Variants in VCAN observed in about 807,000 individuals in gnomAD.
The protein encoded by VCAN is versican, also known as versican core protein.
Under a neutral mutation model 245.5 loss-of-function variants are expected in VCAN, and 44 were observed. The ratio of observed to expected loss-of-function variants is 0.18; its 90% confidence interval spans 0.14 to 0.23. VCAN has a LOEUF of 0.23. Ranked by LOEUF, VCAN falls within the 10% of genes least tolerant of loss-of-function variation. VCAN has a pLI of 1.00. For synonymous variants in VCAN, 1,413 were observed against 1,437.0 expected (o/e 0.98, Z 0.38); for missense variants, 3,793 against 4,057.9 (o/e 0.93, Z 1.77).
rs761598424 is a variant in VCAN at position 83,521,305 on chromosome 5, C to G, written c.2999C>G (p.Pro1000Arg). Residue 1000 changes from proline to arginine, a missense_variant, in exon 7 of 15, where the codon CCC (proline) becomes CGC (arginine). Pro to Arg is a moderately radical substitution (Grantham distance 103). Coordinates refer to ENST00000265077, the MANE Select transcript of VCAN (RefSeq NM_004385.5). ...VPSEDEVLGE[P>R]SQDILVIDQT... ...TCAGAAGATGAAGTTCTAGGTGAAC[C>G]CTCTCAAGACATACTTGTCATTGAT... is the stretch of plus-strand genomic sequence containing the variant. The G allele has an allele frequency of 1.9e-6, 3 of 1,613,990 alleles. No homozygotes were observed. Among genetic ancestry groups the G allele is most frequent in the South Asian group, 1.1e-5 (1 of 91,080 alleles).
intron 2 of VCAN, among the ~76,000 whole-genome samples, chr5:83,487,618 C>T (rs1313240534): frequency 1.3e-5 from 2 of 152,176 alleles, no homozygotes; most frequent in East Asian, 3.8e-4. Context: ...AAAGATTTGA[C>T]CACACAGCTT....
intron 7 of VCAN, among the ~76,000 whole-genome samples, chr5:83,525,519 A>C (rs1324993221): frequency 6.6e-6 from 1 of 152,206 alleles, no homozygotes; most frequent in East Asian, 1.9e-4. Context: ...TAATTTAGAA[A>C]TGTATGGATA....
chr5:83,515,834 C>T (rs1265084396), intron 6 of VCAN, among the ~76,000 whole-genome samples: 1 of 152,134 alleles, frequency 6.6e-6, no homozygotes, highest in Non-Finnish European at 1.5e-5. Context: ...ATAATCTGAC[C>T]ACATGTGCCA....
Position 83,493,534 on chromosome 5 carries a change from T to C in VCAN, c.446-12T>C, listed in dbSNP as rs752958368. 2 of 1,612,950 alleles carry C rather than the reference T, an allele frequency of 1.2e-6. No homozygotes were observed. Among genetic ancestry groups the C allele is most frequent in the South Asian group, 1.1e-5 (1 of 91,028 alleles). On this transcript the variant is annotated splice_polypyrimidine_tract_variant and intron_variant, in intron 3 of 14. Coordinates refer to ENST00000265077, the MANE Select transcript of VCAN (RefSeq NM_004385.5). ...TGAACAGGCTGGCAATTGTTTGCTG[T>C]TGTTTTTGCAGGGGTTGTGTTTCAC...
At chr5:83,523,974 G>T (rs77275118) in intron 7 of VCAN, among the ~76,000 whole-genome samples, 1 of 152,132 alleles carries the variant, frequency 6.6e-6, no homozygotes, top group Non-Finnish European at 1.5e-5. Context: ...TTAAAAAAAT[G>T]CTTGAATGGA....
chr5:83,517,742 T>C (rs1745909742), intron 6 of VCAN, among the ~76,000 whole-genome samples: 1 of 152,158 alleles, frequency 6.6e-6, no homozygotes, highest in Non-Finnish European at 1.5e-5. Flanking sequence ...CAACTCTTTT[T>C]TGGTTAGTTT....
intron 1 of VCAN, among the ~76,000 whole-genome samples, chr5:83,472,387 A>G (rs1744226418): frequency 6.6e-6 from 1 of 151,908 alleles, no homozygotes; most frequent in Non-Finnish European, 1.5e-5. Context: ...TGGCACTTTG[A>G]TTTTTTTGTT....
At chr5:83,513,247 A>C (rs1344001441) in intron 6 of VCAN, among the ~76,000 whole-genome samples, 1 of 152,196 alleles carries the variant, frequency 6.6e-6, no homozygotes, top group Non-Finnish European at 1.5e-5. Context: ...ATCTCCCAGA[A>C]TTTTGGTGAC....
chr5:83,540,756 C>A lies in VCAN; in HGVS notation c.7753C>A (p.Pro2585Thr). 3 of 1,613,926 alleles carry A rather than the reference C, an allele frequency of 1.9e-6. No homozygotes were observed. Among genetic ancestry groups the A allele is most frequent in the Non-Finnish European group, 2.5e-6 (3 of 1,179,948 alleles). ...TATCATAGATATTGATCATACTAAACCTGTGTATGAAGACATTCTTGGAAT... is the reference window on the plus strand; with the variant it reads ...TATCATAGATATTGATCATACTAAAACTGTGTATGAAGACATTCTTGGAAT... The part of the protein sequence containing the change: ...NTIIDIDHTK[P>T]VYEDILGMQT... The change falls in exon 8 of 15, where the codon CCT becomes ACT. Residue 2585 changes from proline (P) to threonine (T), a missense_variant. Around this residue, in one of 5 missense-constraint regions of VCAN, gnomAD observed 3,182 missense variants for 3,250.3 expected, o/e 0.98. Transcript: ENST00000265077.
chr5:83,501,318 A>G (rs1472630043), intron 5 of VCAN, among the ~76,000 whole-genome samples: 1 of 152,158 alleles, frequency 6.6e-6, no homozygotes, highest in African/African-American at 2.4e-5. Context: ...GAAAAGTCCA[A>G]TTTGTCTATT....
intron 12 of VCAN, among the ~76,000 whole-genome samples, chr5:83,565,001 A>C (rs1748019795): frequency 6.6e-6 from 1 of 152,182 alleles, no homozygotes; most frequent in Non-Finnish European, 1.5e-5. Context: ...AAAATTATAG[A>C]TAATATATGG....
chr5:83,514,261 C>A (rs116274104), intron 6 of VCAN, among the ~76,000 whole-genome samples: 13,061 of 152,006 alleles, frequency 0.086, 740 homozygotes, highest in South Asian at 0.2. Flanking sequence ...AAGCATGTGG[C>A]TAGATTCTTA....
chr5:83,557,397 T>A (rs987597278), intron 12 of VCAN, among the ~76,000 whole-genome samples: 1 of 152,176 alleles, frequency 6.6e-6, no homozygotes, highest in Non-Finnish European at 1.5e-5. Flanking sequence ...TGAAATAAAG[T>A]GTTATCCTTT....
intron 2 of VCAN, 39 bp from the exon 3 acceptor site, chr5:83,490,059 T>C (rs1381708559): frequency 6.2e-7 from 1 of 1,612,342 alleles, no homozygotes; most frequent in South Asian, 1.1e-5. Flanking sequence ...AGTTTGGGTT[T>C]TTTAAGATTG....
rs1393337764 is a variant in VCAN at position 83,471,897 on chromosome 5, C to T, written c.-133C>T. Reference sequence around the variant, plus strand: ...ATCCTCCCGCATCTTCCAGCACCGTCCCGCACCCTCCGCATCCTTCCCCGG... The same window carrying T: ...ATCCTCCCGCATCTTCCAGCACCGTTCCGCACCCTCCGCATCCTTCCCCGG... On this transcript the variant is annotated 5_prime_UTR_variant, in exon 1 of 15. Coordinates refer to ENST00000265077, the MANE Select transcript of VCAN (RefSeq NM_004385.5). 2 of 393,996 alleles carry T rather than the reference C, an allele frequency of 5.1e-6. No homozygotes were observed. Among genetic ancestry groups the T allele is most frequent in the African/African-American group, 2.1e-5 (1 of 48,508 alleles). The allele number at this position is 393,996 out of a possible 1,614,324, so 24.4% of individuals were successfully genotyped here.
At chr5:83,576,207 A>G (rs1470997833) in intron 13 of VCAN, among the ~76,000 whole-genome samples, 1 of 152,120 alleles carries the variant, frequency 6.6e-6, no homozygotes, top group Non-Finnish European at 1.5e-5. Flanking sequence ...CACCAGAGAT[A>G]ATGACTTAAT....
At position 83,537,974 on chromosome 5, in the gene VCAN, T is replaced by C. The variant is rs757752057; in HGVS notation, c.4971T>C (p.Thr1657=). 2.5e-6 allele frequency: 4 copies of C among 1,613,998 alleles called. No homozygotes were observed. The highest frequency in any genetic ancestry group is 4.5e-5 in the East Asian group (2 of 44,858). ...EDEDTMFTMV[T]DLSQRNTTDT... is the part of the protein sequence containing the mutation. Reference sequence around the variant, plus strand: ...AAGATACAATGTTCACCATGGTAACTGATTTATCACAGAGAAATACTACTG... The same window carrying C: ...AAGATACAATGTTCACCATGGTAACCGATTTATCACAGAGAAATACTACTG... The change falls in exon 8 of 15, where the codon ACT becomes ACC. Residue 1657 remains threonine, a synonymous_variant. Transcript: ENST00000265077.
At chr5:83,559,453 C>A (rs1747784373) in intron 12 of VCAN, among the ~76,000 whole-genome samples, 1 of 152,136 alleles carries the variant, frequency 6.6e-6, no homozygotes, top group Admixed American at 6.6e-5. Context: ...TGAGCTATAG[C>A]ATCTCAAAAT....
In VCAN at chr5:83,541,090, C is replaced by T; in HGVS notation, c.8087C>T (p.Pro2696Leu). The T allele has an allele frequency of 6.2e-7, 1 of 1,614,022 alleles. No individual in the cohort carries two copies. The highest frequency in any genetic ancestry group is 8.5e-7 in the Non-Finnish European group (1 of 1,179,982). ...LLPTATSLPIPRKSATVIPEI... is the reference protein window; with the variant it reads ...LLPTATSLPILRKSATVIPEI... ...CCCACGGCAACATCCCTGCCAATTC[C>T]TCGTAAGTCTGCCACAGTTATTCCA... The change falls in exon 8 of 15, where the codon CCT (proline) becomes CTT (leucine). Residue 2696 changes from proline to leucine, a missense_variant. Pro to Leu is a moderately conservative substitution (Grantham distance 98, BLOSUM62 -3). This residue lies in a region of VCAN where 3,182 missense variants were observed against 3,250.3 expected (regional missense o/e 0.98). Coordinates refer to ENST00000265077, the MANE Select transcript of VCAN (RefSeq NM_004385.5).
Sources: gnomAD v4.1 joint callset for allele counts (sites outside exome capture counted in the v4.1 genomes callset) on GRCh38, gnomAD v4.1.1 for gene constraint, gnomAD v4.1.1 regional missense constraint, MANE v1.5 for transcripts, NCBI Gene and HGNC (gene_info 2026-07-23, HGNC 2026-07-21) for gene names.